The following PHACTR3 variants were observed in gnomAD, a reference collection of about 807,000 sequenced individuals.
PHACTR3 encodes phosphatase and actin regulator 3.
A neutral mutation model predicts 66.8 loss-of-function variants in PHACTR3; 16 were observed. The observed-to-expected ratio is 0.24, with a 90% CI of 0.16 to 0.36. PHACTR3 has a LOEUF of 0.36. Ranked by LOEUF, PHACTR3 falls within the 10% of genes least tolerant of loss-of-function variation. PHACTR3 has a pLI of 1.00. For synonymous variants in PHACTR3, 323 were observed against 292.1 expected (o/e 1.11, Z -1.08); for missense variants, 647 against 719.9 (o/e 0.90, Z 1.16).
In PHACTR3 at chr20:59,581,351, C is replaced by A. The variant is rs1005292907; in HGVS notation, c.109+3734C>A. 2.6e-5 allele frequency among the ~76,000 whole-genome samples: 4 copies of A among 152,328 alleles called. No homozygotes were observed. The East Asian group carries it at 7.7e-4, about 29-fold the overall frequency. On this transcript the variant is annotated intron_variant, in intron 1 of 12. Coordinates refer to the PHACTR3 transcript ENST00000359926. The stretch of plus-strand genomic sequence containing the variant: ...ACATCTTCGTTTCTCTCCTTTCCCC[C>A]CAGGGTGCTCAGGGCACACCTGTGA...
intron 8 of PHACTR3, among the ~76,000 whole-genome samples, chr20:59,826,547 C>T (rs6100613): frequency 6.6e-6 from 1 of 152,154 alleles, no homozygotes; most frequent in African/African-American, 2.4e-5. Flanking sequence ...CCTCTCACAC[C>T]TGCTGTCTCT....
intron 1 of PHACTR3, among the ~76,000 whole-genome samples, chr20:59,712,114 A>G (rs1020618399): frequency 6.6e-6 from 1 of 151,950 alleles, no homozygotes; most frequent in Non-Finnish European, 1.5e-5. Context: ...GATTGGTTCT[A>G]TTTCTTTTAA....
chr20:59,674,461 C>CCCGCT (rs2036322020), intron 1 of PHACTR3, among the ~76,000 whole-genome samples: 5 of 141,150 alleles, frequency 3.5e-5, no homozygotes, highest in Non-Finnish European at 4.6e-5. Context: ...TTCTCCTGTC[C>CCCGCT]TCTCTTCTCC....
At chr20:59,735,352 T>A (rs2038910530) in intron 1 of PHACTR3, among the ~76,000 whole-genome samples, 1 of 152,106 alleles carries the variant, frequency 6.6e-6, no homozygotes, top group Non-Finnish European at 1.5e-5. Flanking sequence ...TGTGAGTGAA[T>A]GAATAAAACA....
chr20:59,754,301 A>G (rs192857557), intron 3 of PHACTR3, among the ~76,000 whole-genome samples: 295 of 152,320 alleles, frequency 1.9e-3, no homozygotes, highest in African/African-American at 6.8e-3. Context: ...GACGGAAAGC[A>G]CCAGGTCCTT....
Position 59,686,581 on chromosome 20 carries a change from GTGA to G in PHACTR3, c.119-56517_119-56515del, listed in dbSNP as rs200576829. ...GGTGATGATGATGGTCGTGATGATT[GTGA>G]TGATGATGGTGATGATGATGGTGGT... On this transcript the variant is annotated intron_variant, in intron 1 of 12. Transcript: ENST00000371015. 6.1e-3 allele frequency among the ~76,000 whole-genome samples: 918 copies of G among 151,276 alleles called. 11 individuals are homozygous for G. The highest frequency in any genetic ancestry group is 0.02 in the African/African-American group (843 of 41,228).
chr20:59,579,942 T>C (rs2032813825), intron 1 of PHACTR3, among the ~76,000 whole-genome samples: 1 of 152,108 alleles, frequency 6.6e-6, no homozygotes, highest in African/African-American at 2.4e-5. Flanking sequence ...ATTCCTTCAC[T>C]TTCCGTGGGA....
At chr20:59,707,457 C>CTTTTTTT (rs34134572) in intron 1 of PHACTR3, among the ~76,000 whole-genome samples, 6 of 100,412 alleles carry the variant, frequency 6.0e-5, no homozygotes, top group East Asian at 5.9e-4. Context: ...TGCTCCCACT[C>CTTTTTTT]TTTTTTTTTT....
chr20:59,674,263 C>G (rs1453585516), intron 1 of PHACTR3, among the ~76,000 whole-genome samples: 1 of 150,688 alleles, frequency 6.6e-6, no homozygotes, highest in African/African-American at 2.5e-5. Context: ...TGGACTAACG[C>G]CCCCAGAATG....
chr20:59,740,566 C>A (rs931403490), intron 1 of PHACTR3, among the ~76,000 whole-genome samples: 1 of 152,196 alleles, frequency 6.6e-6, no homozygotes, highest in African/African-American at 2.4e-5. Flanking sequence ...CAAAGCATTA[C>A]GATTACAGGC....
chr20:59,649,582 G>C (rs1466783250), intron 1 of PHACTR3, among the ~76,000 whole-genome samples: 4 of 152,152 alleles, frequency 2.6e-5, no homozygotes, highest in Admixed American at 1.3e-4. Context: ...CCATACCTCA[G>C]ACTATCAAAA....
At chr20:59,821,611 A>C (rs2042029568) in intron 8 of PHACTR3, among the ~76,000 whole-genome samples, 1 of 152,232 alleles carries the variant, frequency 6.6e-6, no homozygotes, top group Admixed American at 6.5e-5. Flanking sequence ...GAGATGGGGT[A>C]GGAAACTCGC....
At chr20:59,615,537 A>G (rs2033997788) in intron 1 of PHACTR3, among the ~76,000 whole-genome samples, 1 of 152,202 alleles carries the variant, frequency 6.6e-6, no homozygotes, top group South Asian at 2.1e-4. Flanking sequence ...TATCCCATTC[A>G]TTCTCTGCCA....
intron 5 of PHACTR3, among the ~76,000 whole-genome samples, chr20:59,769,796 GCTTTCTGCAT>G (rs1274172421): frequency 6.6e-6 from 1 of 152,198 alleles, no homozygotes; most frequent in Admixed American, 6.5e-5. Context: ...CTGTCTGTCT[GCTTTCTGCAT>G]CTTTCTACAT....
chr20:59,830,461 C>T lies in PHACTR3; in HGVS notation c.1329-6044C>T, dbSNP rs1324257297. ...GGCATCTGATGGAGGAAGATGTGAACATCTGATGGAGGTGTGAATGAGCAG... is the reference window on the plus strand; with the variant it reads ...GGCATCTGATGGAGGAAGATGTGAATATCTGATGGAGGTGTGAATGAGCAG... On this transcript the variant is annotated intron_variant, in intron 8 of 12. Transcript: ENST00000371015. The surrounding 1 kb of genome is among the most constrained non-coding windows in gnomAD (Gnocchi z 5.8). 2.0e-5 allele frequency among the ~76,000 whole-genome samples: 3 copies of T among 151,934 alleles called. No individual in the cohort carries two copies. The highest frequency in any genetic ancestry group is 6.6e-5 in the Admixed American group (1 of 15,256).
chr20:59,627,794 T>C (rs1356391819), intron 1 of PHACTR3, among the ~76,000 whole-genome samples: 1 of 152,218 alleles, frequency 6.6e-6, no homozygotes, highest in South Asian at 2.1e-4. Context: ...TCTCTCAATA[T>C]ATCTATCATC....
intron 1 of PHACTR3, among the ~76,000 whole-genome samples, chr20:59,647,442 A>G (rs1168761765): frequency 5.3e-5 from 8 of 152,136 alleles, no homozygotes; most frequent in Admixed American, 2.0e-4. Context: ...TTAGGGTACC[A>G]GGTGGAAGGC....
intron 1 of PHACTR3, among the ~76,000 whole-genome samples, chr20:59,627,117 C>T (rs2034480764): frequency 6.6e-6 from 1 of 152,190 alleles, no homozygotes; most frequent in Non-Finnish European, 1.5e-5. Context: ...GTCTGAAGGA[C>T]AATCCTCAGC....
chr20:59,769,616 T>C (rs1156852363), intron 5 of PHACTR3, among the ~76,000 whole-genome samples: 1 of 152,224 alleles, frequency 6.6e-6, no homozygotes, highest in Admixed American at 6.5e-5. Flanking sequence ...TGCCTCTCTC[T>C]AACCACCTGC....
Sources: gnomAD v4.1 joint callset for allele counts (sites outside exome capture counted in the v4.1 genomes callset) on GRCh38, gnomAD v4.1.1 for gene constraint, Gnocchi (gnomAD v3.1) non-coding constraint, MANE v1.5 for transcripts, NCBI Gene and HGNC (gene_info 2026-07-23, HGNC 2026-07-21) for gene names.